The following NMNAT2 variants were observed in gnomAD, a reference collection of about 807,000 sequenced individuals.
The protein encoded by NMNAT2 is nicotinamide nucleotide adenylyltransferase 2.
A neutral mutation model predicts 41.6 loss-of-function variants in NMNAT2; 11 were observed. The ratio of observed to expected loss-of-function variants is 0.26; its 90% CI spans 0.17 to 0.44. The LOEUF (loss-of-function observed/expected upper bound fraction) is 0.44, where lower values mean the gene tolerates loss of function less well. NMNAT2 is among the 20% of genes least tolerant of loss of function. The pLI is 1.00. For synonymous variants in NMNAT2, 148 were observed against 151.2 expected (o/e 0.98, Z 0.16); for missense variants, 288 against 407.7 (o/e 0.71, Z 2.53).
intron 1 of NMNAT2, among the ~76,000 whole-genome samples, chr1:183,295,555 A>G (rs951233405): frequency 6.6e-6 from 1 of 152,146 alleles, no homozygotes; most frequent in African/African-American, 2.4e-5. Context: ...AATAGTTTAC[A>G]TTAAGATTTA....
chr1:183,406,914 G>A (rs1271879937), intron 1 of NMNAT2, among the ~76,000 whole-genome samples: 1 of 149,346 alleles, frequency 6.7e-6, no homozygotes, highest in East Asian at 2.0e-4. Context: ...CACTTCCTGG[G>A]TTCAAGCAAT....
intron 1 of NMNAT2, among the ~76,000 whole-genome samples, chr1:183,417,313 A>G (rs1308644593): frequency 6.6e-6 from 1 of 152,010 alleles, no homozygotes; most frequent in Admixed American, 6.6e-5. Flanking sequence ...TCTAAGAAAC[A>G]AACGCGCGAT....
At chr1:183,414,009 G>A (rs1649191197) in intron 1 of NMNAT2, among the ~76,000 whole-genome samples, 1 of 152,120 alleles carries the variant, frequency 6.6e-6, no homozygotes, top group Non-Finnish European at 1.5e-5. Context: ...TTAACCACCC[G>A]ACCTGAATGA....
chr1:183,304,450 T>C (rs1661946792), intron 1 of NMNAT2, among the ~76,000 whole-genome samples: 1 of 152,196 alleles, frequency 6.6e-6, no homozygotes, highest in Non-Finnish European at 1.5e-5. Flanking sequence ...GGTATATTCT[T>C]CTACCCAGAC....
Position 183,251,474 on chromosome 1 carries a change from C to G in NMNAT2, c.*1167G>C, listed in dbSNP as rs943462211. 1 of 152,318 alleles carries G rather than the reference C, an allele frequency of 6.6e-6. No homozygotes were observed. Among genetic ancestry groups the G allele is most frequent in the African/African-American group, 2.4e-5 (1 of 41,456 alleles). The allele number at this position is 152,318 out of a possible 1,614,324, so 9.4% of individuals were successfully genotyped here. On this transcript the variant is annotated 3_prime_UTR_variant, in exon 11 of 11. Coordinates refer to ENST00000287713, the MANE Select transcript of NMNAT2 (RefSeq NM_015039.4). Reference sequence around the variant, plus strand: ...ACATAATTCCAATTAGCAAAGACCTCCAGGGTTGAGTGGACTCCTAGTGTT... The same window carrying G: ...ACATAATTCCAATTAGCAAAGACCTGCAGGGTTGAGTGGACTCCTAGTGTT...
intron 5 of NMNAT2, among the ~76,000 whole-genome samples, chr1:183,285,288 G>A (rs1487938133): frequency 6.6e-6 from 1 of 152,106 alleles, no homozygotes; most frequent in East Asian, 1.9e-4. Flanking sequence ...TTCTTCCCCA[G>A]GTTTGTCCCA....
At chr1:183,305,487 AC>A (rs1363221453) in intron 1 of NMNAT2, among the ~76,000 whole-genome samples, 1 of 152,180 alleles carries the variant, frequency 6.6e-6, no homozygotes, top group African/African-American at 2.4e-5. Flanking sequence ...CTTTCTGAGT[AC>A]AAGTTTACCA....
chr1:183,253,674 C>T (rs1244969306), intron 10 of NMNAT2, among the ~76,000 whole-genome samples: 1 of 152,010 alleles, frequency 6.6e-6, no homozygotes, highest in African/African-American at 2.4e-5. Context: ...ATATTTGCTG[C>T]TTTGTATCCT....
At chr1:183,377,440 T>C (rs1370546607) in intron 1 of NMNAT2, among the ~76,000 whole-genome samples, 2 of 151,978 alleles carry the variant, frequency 1.3e-5, no homozygotes, top group African/African-American at 4.8e-5. Context: ...GCAGAAACAT[T>C]AGAAGTCACG....
intron 1 of NMNAT2, among the ~76,000 whole-genome samples, chr1:183,298,855 T>G (rs1281347402): frequency 2.6e-5 from 4 of 152,238 alleles, no homozygotes; most frequent in Admixed American, 2.6e-4. Flanking sequence ...CAAAATGATA[T>G]GAAATTTAAT....
At chr1:183,303,597 G>A (rs1049765310) in intron 1 of NMNAT2, among the ~76,000 whole-genome samples, 24 of 152,158 alleles carry the variant, frequency 1.6e-4, no homozygotes, top group East Asian at 1.9e-4. Context: ...AGATCCTTTC[G>A]TTCCAGTCTG....
At chr1:183,379,927 A>C (rs1571628363) in intron 1 of NMNAT2, among the ~76,000 whole-genome samples, 2 of 152,242 alleles carry the variant, frequency 1.3e-5, no homozygotes, top group African/African-American at 4.8e-5. Flanking sequence ...AATTATTAGG[A>C]AGCTGTGCAC....
intron 4 of NMNAT2, 109 bp from the exon 5 acceptor site, chr1:183,286,897 G>T: frequency 8.4e-7 from 1 of 1,193,980 alleles, no homozygotes; most frequent in Non-Finnish European, 1.2e-6. Context: ...ACCCAGAGCT[G>T]AGGAAGAGCC....
chr1:183,341,738 A>AAAAAAAAC (rs1662817171), intron 1 of NMNAT2, among the ~76,000 whole-genome samples: 4 of 141,992 alleles, frequency 2.8e-5, no homozygotes, highest in African/African-American at 1.0e-4. Flanking sequence ...AAAAAAAAAA[A>AAAAAAAAC]AAAAAAAAAC....
intron 8 of NMNAT2, among the ~76,000 whole-genome samples, chr1:183,271,560 C>G (rs16860717): frequency 0.039 from 5,958 of 152,232 alleles, 143 homozygotes; most frequent in South Asian, 0.12. Context: ...GGAATGTTTA[C>G]TAGGTTCAGG....
intron 1 of NMNAT2, among the ~76,000 whole-genome samples, chr1:183,294,436 G>A (rs755941840): frequency 5.3e-5 from 8 of 152,028 alleles, no homozygotes; most frequent in Non-Finnish European, 7.4e-5. Flanking sequence ...AATAAATTTC[G>A]GCAAACAAGG....
intron 1 of NMNAT2, among the ~76,000 whole-genome samples, chr1:183,385,060 AT>A (rs1648175188): frequency 1.3e-5 from 2 of 151,996 alleles, no homozygotes; most frequent in South Asian, 4.2e-4. Context: ...AATAAAAAAA[AT>A]TAAAAATTAA....
chr1:183,363,082 T>G (rs940765897), intron 1 of NMNAT2, among the ~76,000 whole-genome samples: 1 of 152,204 alleles, frequency 6.6e-6, no homozygotes, highest in African/African-American at 2.4e-5. Context: ...TATTTGCCAT[T>G]TGTGTATCTT....
In NMNAT2 at chr1:183,374,653, T is replaced by G. The variant is rs537808085; in HGVS notation, c.85+43530A>C. Reference sequence around the variant, plus strand: ...TGTACCACATGCAAGGAAAATAGATTTACTTAAGCTGTATCCTGTGATTTC... The same window carrying G: ...TGTACCACATGCAAGGAAAATAGATGTACTTAAGCTGTATCCTGTGATTTC... On this transcript the variant is annotated intron_variant, in intron 1 of 10. Coordinates refer to ENST00000287713, the MANE Select transcript of NMNAT2 (RefSeq NM_015039.4). 2.6e-5 allele frequency among the ~76,000 whole-genome samples: 4 copies of G among 152,342 alleles called. No homozygotes were observed. In the South Asian group the frequency reaches 6.2e-4, roughly 24 times the overall value.
Sources: gnomAD v4.1 joint callset for allele counts (sites outside exome capture counted in the v4.1 genomes callset) on GRCh38, gnomAD v4.1.1 for gene constraint, MANE v1.5 for transcripts, NCBI Gene and HGNC (gene_info 2026-07-23, HGNC 2026-07-21) for gene names.